Variants in PTPRD observed in about 807,000 individuals in gnomAD.
PTPRD encodes the protein receptor-type tyrosine-protein phosphatase delta.
Under a neutral mutation model 214.5 loss-of-function variants are expected in PTPRD, and 34 were observed. The ratio of observed to expected loss-of-function variants is 0.16; its 90% CI spans 0.12 to 0.21. PTPRD has a LOEUF of 0.21. PTPRD is among the 10% of genes least tolerant of loss of function. The pLI is 1.00. For synonymous variants in PTPRD, 1,128 were observed against 845.7 expected, an observed-to-expected ratio of 1.33 and a Z score of -5.79; for missense variants, 2,545 against 2,398.7, an observed-to-expected ratio of 1.06 and a Z score of -1.27.
At chr9:10,231,857 T>G (rs1297787623) in intron 3 of PTPRD, among the ~76,000 whole-genome samples, 2 of 151,820 alleles carry the variant, frequency 1.3e-5, no homozygotes, top group Non-Finnish European at 2.9e-5. Context: ...GGCAGCACCC[T>G]GTAGAGGTGG....
intron 9 of PTPRD, among the ~76,000 whole-genome samples, chr9:9,198,388 T>G (rs2099939888): frequency 6.6e-6 from 1 of 152,142 alleles, no homozygotes; most frequent in Non-Finnish European, 1.5e-5. Flanking sequence ...TGAGCAATTT[T>G]GTAGCCCTCT....
At chr9:9,500,391 G>C (rs1421698425) in intron 8 of PTPRD, among the ~76,000 whole-genome samples, 1 of 152,046 alleles carries the variant, frequency 6.6e-6, no homozygotes, top group Non-Finnish European at 1.5e-5. Context: ...ACATTTCCTT[G>C]GATTTCTTCC....
intron 2 of PTPRD, among the ~76,000 whole-genome samples, chr9:10,415,204 T>C (rs1189532650): frequency 1.3e-5 from 2 of 151,828 alleles, no homozygotes; most frequent in South Asian, 2.1e-4. Flanking sequence ...TACCTCACAA[T>C]GTTGCTGTAA....
At chr9:8,870,653 C>T (rs1400252876) in intron 11 of PTPRD, among the ~76,000 whole-genome samples, 1 of 147,018 alleles carries the variant, frequency 6.8e-6, no homozygotes, top group African/African-American at 2.5e-5. Context: ...TCTTCTCAGG[C>T]AATAGAAAAC....
intron 14 of PTPRD, among the ~76,000 whole-genome samples, chr9:8,614,131 T>C (rs188171543): frequency 1.6e-4 from 24 of 152,270 alleles, no homozygotes; most frequent in South Asian, 1.0e-3. Flanking sequence ...GTAAATGTCA[T>C]TTAAGATATG....
At chr9:8,470,805 T>A (rs2096637948) in intron 31 of PTPRD, among the ~76,000 whole-genome samples, 190 bp downstream of exon 31, 1 of 152,162 alleles carries the variant, frequency 6.6e-6, no homozygotes, top group South Asian at 2.1e-4. Context: ...TAATGTTTTT[T>A]AATTAAAGCC....
At chr9:8,715,117 G>T (rs1273741574) in intron 12 of PTPRD, among the ~76,000 whole-genome samples, 1 of 151,294 alleles carries the variant, frequency 6.6e-6, no homozygotes. Flanking sequence ...AAATGTGAAT[G>T]CACAAAAGAT....
At chr9:10,078,560 C>T (rs1284587994) in intron 3 of PTPRD, among the ~76,000 whole-genome samples, 1 of 150,378 alleles carries the variant, frequency 6.6e-6, no homozygotes, top group Admixed American at 6.7e-5. Context: ...CCCATATAAT[C>T]CTATGTAGCC....
chr9:9,042,614 CTTTTCTTTTTT>C (rs1249542997), intron 10 of PTPRD, among the ~76,000 whole-genome samples: 90 of 112,450 alleles, frequency 8.0e-4, no homozygotes, highest in African/African-American at 2.9e-3. Flanking sequence ...TCTTTTTTTT[CTTTTCTTTTTT>C]TTTTTTTTTG....
chr9:9,639,880 A>G (rs1301926450), intron 7 of PTPRD, among the ~76,000 whole-genome samples: 1 of 152,232 alleles, frequency 6.6e-6, no homozygotes, highest in East Asian at 1.9e-4. Context: ...GCTTAGAGAA[A>G]GAACATTATT....
Position 8,733,964 on chromosome 9 carries a change from G to T in PTPRD, c.-103-18C>A. ...TTCAGAGCCTGAAAGCGGGGAGGAA[G>T]AGAAAAGAAAAGGAAGAAAACACAA... On this transcript the variant is annotated intron_variant, in intron 11 of 45. Transcript: ENST00000381196. The T allele has an allele frequency of 9.8e-7, 1 of 1,015,774 alleles. No individual in the cohort carries two copies. The highest frequency in any genetic ancestry group is 1.5e-6 in the Non-Finnish European group (1 of 680,892). The allele number at this position is 1,015,774 out of a possible 1,614,324, so 62.9% of individuals were successfully genotyped here.
At chr9:8,901,064 C>T (rs2098664923) in intron 11 of PTPRD, among the ~76,000 whole-genome samples, 1 of 152,076 alleles carries the variant, frequency 6.6e-6, no homozygotes, top group Non-Finnish European at 1.5e-5. Context: ...AGTATCAGGA[C>T]ACATGCAAGA....
intron 3 of PTPRD, among the ~76,000 whole-genome samples, chr9:10,125,296 T>C (rs1681703060): frequency 6.6e-6 from 1 of 151,948 alleles, no homozygotes; most frequent in African/African-American, 2.4e-5. Context: ...TCTACTTACA[T>C]GTTGTGCTAT....
intron 5 of PTPRD, among the ~76,000 whole-genome samples, chr9:9,813,075 A>G (rs1459116894): frequency 6.6e-6 from 1 of 152,108 alleles, no homozygotes; most frequent in Non-Finnish European, 1.5e-5. Flanking sequence ...GCCAAAGAAG[A>G]AATCAAAAAG....
At position 9,689,535 on chromosome 9, in the gene PTPRD, T is replaced by C. The variant is rs182695197; in HGVS notation, c.-287+44998A>G. 6.8e-4 allele frequency among the ~76,000 whole-genome samples: 103 copies of C among 151,986 alleles called. 1 individual carries two copies. Among genetic ancestry groups the C allele is most frequent in the African/African-American group, 2.4e-3 (100 of 41,532 alleles). On this transcript the variant is annotated intron_variant, in intron 7 of 45. Transcript: ENST00000381196. Reference sequence around the variant, plus strand: ...CTATTTTGAAATGTACTATAGATTATTGTTATTTTGACTATAGTCACTCCA... The same window carrying C: ...CTATTTTGAAATGTACTATAGATTACTGTTATTTTGACTATAGTCACTCCA...
At chr9:10,147,445 T>A (rs2099031038) in intron 3 of PTPRD, among the ~76,000 whole-genome samples, 1 of 152,140 alleles carries the variant, frequency 6.6e-6, no homozygotes, top group Non-Finnish European at 1.5e-5. Context: ...TGAAACAACG[T>A]ATAATTCTAA....
chr9:9,787,427 A>AG (rs1331853389), intron 5 of PTPRD, among the ~76,000 whole-genome samples: 2 of 151,768 alleles, frequency 1.3e-5, no homozygotes, highest in African/African-American at 4.8e-5. Flanking sequence ...ATGTAAAAAA[A>AG]AAAAAAAAAG....
chr9:9,597,739 C>T (rs9407435), intron 7 of PTPRD, among the ~76,000 whole-genome samples: 41,148 of 151,338 alleles, frequency 0.27, 7,074 homozygotes, highest in Non-Finnish European at 0.38. Flanking sequence ...CTCAGTAGTG[C>T]GAAGAGACAG....
chr9:8,549,403 A>C (rs1269738489), intron 14 of PTPRD, among the ~76,000 whole-genome samples: 1 of 152,182 alleles, frequency 6.6e-6, no homozygotes, highest in Admixed American at 6.5e-5. Flanking sequence ...TTTCTCTCAT[A>C]TGAAAATGAC....
Sources: gnomAD v4.1 joint callset for allele counts (sites outside exome capture counted in the v4.1 genomes callset) on GRCh38, gnomAD v4.1.1 for gene constraint, MANE v1.5 for transcripts, NCBI Gene and HGNC (gene_info 2026-07-23, HGNC 2026-07-21) for gene names.